CHRNA5: variants seen among roughly 807,000 people sequenced by gnomAD.
The protein encoded by CHRNA5 is neuronal acetylcholine receptor subunit alpha-5.
A neutral mutation model predicts 41.2 loss-of-function variants in CHRNA5; 28 were observed. That is an observed-to-expected ratio of 0.68 (90% CI 0.50 to 0.93). CHRNA5 has a LOEUF of 0.93. Among genes scored for constraint, CHRNA5 ranks in the 40% least tolerant of loss-of-function variants. The probability of loss-of-function intolerance (pLI) is 0.00; values close to 1 mark genes in which losing one functional copy is unlikely to be tolerated. For missense variants in CHRNA5, 481 were observed against 581.9 expected (o/e 0.83, Z 1.78); for synonymous variants, 188 against 205.8 (o/e 0.91, Z 0.74).
At chr15:78,586,555 G>C in intron 2 of CHRNA5, 90 bp from the exon 3 acceptor site, 1 of 762,954 alleles carries the variant, frequency 1.3e-6, no homozygotes, top group South Asian at 1.8e-5. Context: ...GTGAAGAAGA[G>C]TGTTTATATA....
intron 1 of CHRNA5, among the ~76,000 whole-genome samples, chr15:78,571,931 C>T (rs2052809494): frequency 6.6e-6 from 1 of 152,060 alleles, no homozygotes. Flanking sequence ...ACGTTCACTG[C>T]TTTATCTTGC....
chr15:78,575,774 A>C lies in CHRNA5; in HGVS notation c.107-5037A>C, dbSNP rs192697531. Among the ~76,000 whole-genome samples, 842 of 152,334 alleles carry C rather than the reference A, an allele frequency of 5.5e-3. 31 individuals carry two copies. Among genetic ancestry groups the C allele is most frequent in the Admixed American group, 0.05 (769 of 15,286 alleles). On this transcript the variant is annotated intron_variant, in intron 1 of 5. Transcript: ENST00000299565. Reference sequence around the variant, plus strand: ...GGTACTTTTTTAATACCTGTGTCACAGATGAAGAAAAATCATATCCAAAGT... The same window carrying C: ...GGTACTTTTTTAATACCTGTGTCACCGATGAAGAAAAATCATATCCAAAGT...
intron 1 of CHRNA5, among the ~76,000 whole-genome samples, chr15:78,574,541 C>G (rs1248468358): frequency 6.6e-6 from 1 of 152,034 alleles, no homozygotes; most frequent in African/African-American, 2.4e-5. Flanking sequence ...AGCAGCTAAG[C>G]AGAGGTTCTC....
intron 2 of CHRNA5, among the ~76,000 whole-genome samples, chr15:78,583,884 TG>T: frequency 6.6e-6 from 1 of 152,142 alleles, no homozygotes; most frequent in Non-Finnish European, 1.5e-5. Context: ...TGGAGGAGAC[TG>T]TTGAAAACTT....
intron 1 of CHRNA5, among the ~76,000 whole-genome samples, chr15:78,575,402 T>G (rs1299581506): frequency 6.6e-6 from 1 of 152,210 alleles, no homozygotes; most frequent in African/African-American, 2.4e-5. Context: ...TCTTATCCTA[T>G]TTTTAGTGTG....
chr15:78,577,926 CAAAAAAA>C (rs5813925), intron 1 of CHRNA5, among the ~76,000 whole-genome samples: 1 of 129,158 alleles, frequency 7.7e-6, no homozygotes, highest in Admixed American at 8.1e-5. Flanking sequence ...GACCCTGTCT[CAAAAAAA>C]AAAAAAAAGA....
intron 2 of CHRNA5, among the ~76,000 whole-genome samples, chr15:78,584,463 C>T (rs1051955194): frequency 6.6e-6 from 1 of 152,226 alleles, no homozygotes; most frequent in Non-Finnish European, 1.5e-5. Context: ...TTGTTGCATC[C>T]TCCATTGTGC....
At chr15:78,584,266 CT>C (rs903054096) in intron 2 of CHRNA5, among the ~76,000 whole-genome samples, 3 of 151,890 alleles carry the variant, frequency 2.0e-5, no homozygotes, top group Non-Finnish European at 2.9e-5. Flanking sequence ...CATATTCTGT[CT>C]TTTTTTTGTT....
intron 3 of CHRNA5, among the ~76,000 whole-genome samples, chr15:78,587,731 A>G (rs2052974549): frequency 6.6e-6 from 1 of 152,108 alleles, no homozygotes; most frequent in South Asian, 2.1e-4. Context: ...CACCATACAT[A>G]TGTCCTAACT....
rs1555415935 is a variant in CHRNA5, at chr15:78,585,791, C to CTTTCTTT, written c.259-851_259-850insCTTTTTT. On this transcript the variant is annotated intron_variant, in intron 2 of 5. Coordinates refer to ENST00000299565, the Ensembl canonical transcript of CHRNA5. Reference sequence around the variant, plus strand: ...TTTTTCTTTTTCTTTTCTTTTCTTTCTTTTTTTTTTTGAGATGGAGTCTCG... The same window carrying CTTTCTTT: ...TTTTTCTTTTTCTTTTCTTTTCTTTCTTTCTTTTTTTTTTTTTTGAGATGGAGTCTCG... 6.2e-4 allele frequency among the ~76,000 whole-genome samples: 81 copies of CTTTCTTT among 130,614 alleles called. 1 individual carries two copies. The highest frequency in any genetic ancestry group is 1.2e-3 in the South Asian group (5 of 4,192). The allele number at this position is 130,614 out of a possible 152,430, so 85.7% of individuals were successfully genotyped here.
Position 78,565,833 on chromosome 15 carries a change from C to T in CHRNA5, c.106+8C>T, listed in dbSNP as rs1307532448. 7 of 1,214,546 alleles carry T rather than the reference C, an allele frequency of 5.8e-6. No individual in the cohort carries two copies. The highest frequency in any genetic ancestry group is 4.2e-5 in the South Asian group (1 of 23,914). The allele number at this position is 1,214,546 out of a possible 1,614,324, so 75.2% of individuals were successfully genotyped here. A position where few individuals can be genotyped will look rare whatever the true frequency, so the allele number is the denominator to read the frequency against. Reference sequence around the variant, plus strand: ...CGGGCGGCGCGCAGAGAGGTAAGCCCGGGCTGCAGAGGGGCGGGGCGGGAG... The same window carrying T: ...CGGGCGGCGCGCAGAGAGGTAAGCCTGGGCTGCAGAGGGGCGGGGCGGGAG... On this transcript the variant is annotated splice_region_variant and intron_variant, in intron 1 of 5. Transcript: ENST00000299565.
At chr15:78,592,919 G>C (rs573269374) in intron 5 of CHRNA5, 173 bp from the exon 6 acceptor site, 3 of 598,250 alleles carry the variant, frequency 5.0e-6, no homozygotes, top group Admixed American at 3.4e-5. Flanking sequence ...TATATCTATA[G>C]TAGACCTTCA....
chr15:78,590,409 C>T (rs1280180578), exon 5 of CHRNA5: 11 of 1,614,060 alleles, frequency 6.8e-6, no homozygotes, highest in Middle Eastern at 1.6e-4. Flanking sequence ...CATTCATCAT[C>T]GTTCTTCCTC....
intron 1 of CHRNA5, among the ~76,000 whole-genome samples, chr15:78,580,302 A>AAAAAAAAAAAT (rs2052899546): frequency 6.6e-6 from 1 of 150,760 alleles, no homozygotes; most frequent in African/African-American, 2.4e-5. Flanking sequence ...AAAAAAAAAA[A>AAAAAAAAAAAT]GATTATGCAA....
At position 78,594,551 on chromosome 15, in the gene CHRNA5, G is replaced by A. The variant is rs76678365; in HGVS notation, c.*1298G>A. 3.7e-3 allele frequency: 564 copies of A among 152,266 alleles called. 18 individuals are homozygous for A. In the East Asian group the frequency reaches 0.067, roughly 18 times the overall value. The allele number at this position is 152,266 out of a possible 1,614,324, so 9.4% of individuals were successfully genotyped here. A position where few individuals can be genotyped will look rare whatever the true frequency, so the allele number is the denominator to read the frequency against. ...AAATTAGTCGGGCATGGTAGCAGGC[G>A]CCTGTAGTCCCAGCTACTCAAGAGG... On this transcript the variant is annotated 3_prime_UTR_variant, in exon 6 of 6. Coordinates refer to ENST00000299565, the Ensembl canonical transcript of CHRNA5.
intron 1 of CHRNA5, among the ~76,000 whole-genome samples, chr15:78,580,372 T>C (rs2052900580): frequency 6.6e-6 from 1 of 151,982 alleles, no homozygotes; most frequent in Non-Finnish European, 1.5e-5. Context: ...ATATCTGTTT[T>C]CTAGGTTTGG....
chr15:78,590,000 G>C (rs761139232), exon 5 of CHRNA5: 1 of 1,614,138 alleles, frequency 6.2e-7, no homozygotes, highest in South Asian at 1.1e-5. Flanking sequence ...TAATTCTAGA[G>C]GACCAAGATG....
chr15:78,585,802 T>TTTTTTTTA (rs2052955822), intron 2 of CHRNA5, among the ~76,000 whole-genome samples: 1 of 149,908 alleles, frequency 6.7e-6, no homozygotes, highest in African/African-American at 2.5e-5. Context: ...TTTTTTTTTT[T>TTTTTTTTA]GAGATGGAGT....
At chr15:78,593,093 T>C (rs1310445815) in exon 6 of CHRNA5, 3 of 1,603,900 alleles carry the variant, frequency 1.9e-6, no homozygotes, top group African/African-American at 2.7e-5. Context: ...TCCTAACAGG[T>C]TGTTGAAGAT....
Sources: allele counts gnomAD v4.1 joint callset (sites outside exome capture counted in the v4.1 genomes callset), GRCh38; gene constraint gnomAD v4.1.1; transcripts MANE v1.5; gene names NCBI Gene and HGNC (gene_info 2026-07-23, HGNC 2026-07-21).